PEAR1: variants seen among roughly 807,000 people sequenced by gnomAD.
The protein encoded by PEAR1 is multiple EGF-like domains protein 12.
A neutral mutation model predicts 131.2 loss-of-function variants in PEAR1; 113 were observed. The ratio of observed to expected loss-of-function variants is 0.86; its 90% confidence interval spans 0.74 to 1.01. The LOEUF (loss-of-function observed/expected upper bound fraction) is 1.01, where lower values mean the gene tolerates loss of function less well. Ranked by LOEUF, PEAR1 falls within the 50% of genes least tolerant of loss-of-function variation. The pLI, the probability that PEAR1 is intolerant of heterozygous loss-of-function variation, is 0.00. For synonymous variants in PEAR1, 565 were observed against 523.3 expected, an observed-to-expected ratio of 1.08 and a Z score of -1.09; for missense variants, 1,408 against 1,391.1, an observed-to-expected ratio of 1.01 and a Z score of -0.19.
intron 5 of PEAR1, 67 bp downstream of exon 5, chr1:156,906,435 C>A (rs1650310521): frequency 4.4e-6 from 7 of 1,579,856 alleles, no homozygotes; most frequent in South Asian, 1.1e-5. Flanking sequence ...CTCAGGTACA[C>A]CCTCCCTACC....
At chr1:156,910,562 A>G in intron 14 of PEAR1, 56 bp from the exon 15 acceptor site, 6 of 1,601,992 alleles carry the variant, frequency 3.7e-6, no homozygotes, top group Non-Finnish European at 5.1e-6. Context: ...CGGTGGGGTA[A>G]GGGCTGATTG....
chr1:156,912,573 T>TG lies in PEAR1; in HGVS notation c.2164dup (p.Ala722GlyfsTer32). 1.9e-6 allele frequency: 3 copies of TG among 1,614,072 alleles called. No homozygotes were observed. The highest frequency in any genetic ancestry group is 2.5e-6 in the Non-Finnish European group (3 of 1,180,014). On this transcript the variant is annotated frameshift_variant, in exon 17 of 23. Transcript: ENST00000292357. LOFTEE classifies it high-confidence loss of function. ...CTGGAGAAAAGTGCCACCCAGAGAC[T>TG]GGGGCCTGTGTATGTCCCCCAGGGC... is the stretch of plus-strand genomic sequence containing the variant.
intron 4 of PEAR1, 71 bp from the exon 5 acceptor site, chr1:156,906,205 T>A: frequency 7.0e-7 from 1 of 1,420,602 alleles, no homozygotes; most frequent in Non-Finnish European, 9.9e-7. Context: ...AAGGTGGGGT[T>A]AGGCTTTGCA....
At chr1:156,895,303 C>T (rs1649059703) in intron 1 of PEAR1, among the ~76,000 whole-genome samples, 1 of 152,244 alleles carries the variant, frequency 6.6e-6, no homozygotes, top group Admixed American at 6.5e-5. Flanking sequence ...GATAGAAGGT[C>T]ATGGGGCTGC....
intron 2 of PEAR1, 83 bp from the exon 3 acceptor site, chr1:156,904,664 GC>G: frequency 2.2e-6 from 3 of 1,390,672 alleles, no homozygotes; most frequent in Non-Finnish European, 3.0e-6. Context: ...CCCCACTGTG[GC>G]CAAGCCCTCA....
At chr1:156,905,928 C>T (rs560462593) in intron 4 of PEAR1, among the ~76,000 whole-genome samples, 1 of 152,180 alleles carries the variant, frequency 6.6e-6, no homozygotes, top group Admixed American at 6.5e-5. Context: ...AGCCACTGCC[C>T]ATCACGAGCC....
Position 156,913,920 on chromosome 1 carries a change from A to G in PEAR1, c.2782A>G (p.Ile928Val). ...SLSSENPYAT[I>V]RDLPSLPGGP... is the part of the protein sequence containing the mutation. ...GAGCAGTGAGAACCCATATGCCACC[A>G]TCCGGGACCTGCCCAGCTTGCCAGG... Residue 928 changes from isoleucine to valine, a missense_variant, in exon 22 of 23, where the codon ATC (isoleucine) becomes GTC (valine). Transcript: ENST00000292357. 6.2e-7 allele frequency: 1 copy of G among 1,614,080 alleles called. No homozygotes were observed.
At chr1:156,912,014 G>A (rs532244943) in intron 15 of PEAR1, among the ~76,000 whole-genome samples, 1 of 152,374 alleles carries the variant, frequency 6.6e-6, no homozygotes, top group Non-Finnish European at 1.5e-5. Context: ...GTGGCTATTA[G>A]ATAGTCAAGT....
rs1649818916 is a variant in PEAR1, at chr1:156,902,793, G to A, written c.-9-1125G>A. ...AGACCCTGAAGCCGGCTGCGGGGAT[G>A]GGCACTGCGGTAACTCATCCTCTCC... On this transcript the variant is annotated intron_variant, in intron 1 of 22. Transcript: ENST00000292357. The surrounding 1 kb of genome is among the most constrained non-coding windows in gnomAD (Gnocchi z 4.3). Among the ~76,000 whole-genome samples, 2 of 152,166 alleles carry A rather than the reference G, an allele frequency of 1.3e-5. No individual in the cohort carries two copies.
At chr1:156,901,333 TC>T (rs1468421462) in intron 1 of PEAR1, among the ~76,000 whole-genome samples, 2 of 151,998 alleles carry the variant, frequency 1.3e-5, no homozygotes, top group African/African-American at 4.8e-5. Context: ...CATCTCAAAG[TC>T]CCCCAGGTGA....
chr1:156,905,092 G>A, intron 3 of PEAR1: 2 of 990,510 alleles, frequency 2.0e-6, no homozygotes, highest in Non-Finnish European at 3.1e-6. Flanking sequence ...TGGGGGGGGG[G>A]CAAGAAGGGA....
intron 1 of PEAR1, among the ~76,000 whole-genome samples, chr1:156,903,214 C>T (rs1649862157): frequency 6.6e-6 from 1 of 152,180 alleles, no homozygotes; most frequent in Non-Finnish European, 1.5e-5. Context: ...GGGAGGTCAC[C>T]TGGACCCAGC....
chr1:156,908,399 C>G lies in PEAR1; in HGVS notation c.1115+59C>G. Reference sequence around the variant, plus strand: ...AGGCCAATGGGGAGGTCTTCCTGGCCGAAGTCACCACAGAGCCAGGGCCAT... The same window carrying G: ...AGGCCAATGGGGAGGTCTTCCTGGCGGAAGTCACCACAGAGCCAGGGCCAT... On this transcript the variant is annotated intron_variant, in intron 9 of 22. Transcript: ENST00000292357. This position sits in a 1 kb window ranked among gnomAD's most constrained non-coding sequence, Gnocchi z 4.2. The G allele has an allele frequency of 6.9e-7, 1 of 1,446,072 alleles. No individual in the cohort carries two copies. Among genetic ancestry groups the G allele is most frequent in the Non-Finnish European group, 9.1e-7 (1 of 1,095,314 alleles). 89.6% of individuals were successfully genotyped at this position (1,446,072 alleles called of 1,614,324 possible). A position where few individuals can be genotyped will look rare whatever the true frequency, so the allele number is the denominator to read the frequency against.
chr1:156,912,609 A>C lies in PEAR1; in HGVS notation c.2196A>C (p.Ala732=). 6.2e-7 allele frequency: 1 copy of C among 1,613,602 alleles called. No individual in the cohort carries two copies. The highest frequency in any genetic ancestry group is 1.3e-5 in the African/African-American group (1 of 75,000). The change falls in exon 17 of 23, where the codon GCA becomes GCC. Residue 732 remains alanine (A), a synonymous_variant. Coordinates refer to ENST00000292357, the MANE Select transcript of PEAR1 (RefSeq NM_001080471.3). ...ACVCPPGHSG[A]PCRIGIQEPF... is the part of the protein sequence containing the mutation. The stretch of plus-strand genomic sequence containing the variant: ...TATGTCCCCCAGGGCACAGTGGTGC[A>C]CCTTGCAGGATTGGTGAGTTCTTTG...
chr1:156,896,586 C>T lies in PEAR1; in HGVS notation c.-10+2749C>T, dbSNP rs572127082. On this transcript the variant is annotated intron_variant, in intron 1 of 22. Transcript: ENST00000292357. Reference sequence around the variant, plus strand: ...CCCTGCAGGTGAGTGGGCCCTGGGGCGTAGCCCGCTCACTGCTGGTGGGTG... The same window carrying T: ...CCCTGCAGGTGAGTGGGCCCTGGGGTGTAGCCCGCTCACTGCTGGTGGGTG... 1.4e-4 allele frequency among the ~76,000 whole-genome samples: 22 copies of T among 152,332 alleles called. No individual in the cohort carries two copies. In the East Asian group the frequency reaches 1.7e-3, roughly 12 times the overall value.
chr1:156,894,807 TC>T (rs1479496949), intron 1 of PEAR1, among the ~76,000 whole-genome samples: 1 of 152,204 alleles, frequency 6.6e-6, no homozygotes, highest in Non-Finnish European at 1.5e-5. Context: ...GGCCTGAGGT[TC>T]CCAGGCTCAG....
In PEAR1 at chr1:156,910,400, C is replaced by T; in HGVS notation, c.1825+20C>T. On this transcript the variant is annotated intron_variant, in intron 14 of 22. Coordinates refer to ENST00000292357, the MANE Select transcript of PEAR1 (RefSeq NM_001080471.3). ...AGAGATGTGAGGCTCCCTACTGCCCCTTCCACCTGCCACCAGCAGGGGGCA... is the reference window on the plus strand; with the variant it reads ...AGAGATGTGAGGCTCCCTACTGCCCTTTCCACCTGCCACCAGCAGGGGGCA... 6.4e-7 allele frequency: 1 copy of T among 1,568,736 alleles called. No homozygotes were observed. Among genetic ancestry groups the T allele is most frequent in the South Asian group, 1.2e-5 (1 of 83,094 alleles).
rs1452178525 is a variant in PEAR1 at position 156,909,804 on chromosome 1, A to G, written c.1465A>G (p.Ser489Gly). The change falls in exon 12 of 23, where the codon AGT becomes GGT. Residue 489 changes from serine to glycine, a missense_variant. Coordinates refer to ENST00000292357, the MANE Select transcript of PEAR1 (RefSeq NM_001080471.3). ...VPCPPGTWGF[S>G]CNASCQCAHE... is the part of the protein sequence containing the mutation. Reference sequence around the variant, plus strand: ...CTGCCCACCCGGAACCTGGGGCTTCAGTTGCAATGCCAGCTGCCAGTGTGC... The same window carrying G: ...CTGCCCACCCGGAACCTGGGGCTTCGGTTGCAATGCCAGCTGCCAGTGTGC... 2 of 1,613,860 alleles carry G rather than the reference A, an allele frequency of 1.2e-6. No homozygotes were observed. The highest frequency in any genetic ancestry group is 1.3e-5 in the African/African-American group (1 of 74,926).
chr1:156,912,736 A>G, intron 17 of PEAR1, 34 bp from the exon 18 acceptor site: 3 of 1,613,582 alleles, frequency 1.9e-6, no homozygotes, highest in Non-Finnish European at 2.5e-6. Context: ...CAGAGCCAAG[A>G]TGCCATTCTG....
Sources: gnomAD v4.1 joint callset for allele counts (sites outside exome capture counted in the v4.1 genomes callset) on GRCh38, gnomAD v4.1.1 for gene constraint, Gnocchi (gnomAD v3.1) non-coding constraint, MANE v1.5 for transcripts, NCBI Gene and HGNC (gene_info 2026-07-23, HGNC 2026-07-21) for gene names.